ZNF561: variants seen among roughly 807,000 people sequenced by gnomAD.
ZNF561 encodes the protein zinc finger protein 561.
A neutral mutation model predicts 16.7 loss-of-function variants in ZNF561; 16 were observed. The ratio of observed to expected loss-of-function variants is 0.96; its 90% CI spans 0.65 to 1.45. The LOEUF (loss-of-function observed/expected upper bound fraction) is 1.45, where lower values mean the gene tolerates loss of function less well. ZNF561 is among the 40% of genes most tolerant of loss of function. The pLI is 0.00. For missense variants in ZNF561, 580 were observed against 578.0 expected, an observed-to-expected ratio of 1.00 and a Z score of -0.04; for synonymous variants, 190 against 192.1, an observed-to-expected ratio of 0.99 and a Z score of 0.09.
In ZNF561 at chr19:9,608,613, G is replaced by GAA. The variant is rs2074391610; in HGVS notation, c.*1585_*1586dup. The GAA allele has an allele frequency of 6.6e-6, 1 of 152,332 alleles. No homozygotes were observed. Among genetic ancestry groups the GAA allele is most frequent in the East Asian group, 1.9e-4 (1 of 5,182 alleles). The allele number at this position is 152,332 out of a possible 1,614,324, so 9.4% of individuals were successfully genotyped here. On this transcript the variant is annotated 3_prime_UTR_variant, in exon 6 of 6. Transcript: ENST00000302851. ...GATTTGAAACTGACAAATGAGGCTG[G>GAA]AAAAATTCTGATGTGCAAGCTGGAA...
intron 1 of ZNF561, 139 bp from the exon 2 acceptor site, chr19:9,619,721 T>A: frequency 2.8e-6 from 1 of 363,542 alleles, no homozygotes; most frequent in Non-Finnish European, 5.0e-6. Context: ...AACAAAAGTA[T>A]TAATAACAGT....
chr19:9,616,001 T>C (rs1298569940), intron 4 of ZNF561, among the ~76,000 whole-genome samples: 1 of 152,220 alleles, frequency 6.6e-6, no homozygotes, highest in Admixed American at 6.5e-5. Flanking sequence ...TCACCTTCAG[T>C]GATTCTGAAA....
Position 9,610,646 on chromosome 19 carries a change from A to G in ZNF561, c.1015T>C (p.Cys339Arg), listed in dbSNP as rs1266642932. 5 of 1,614,036 alleles carry G rather than the reference A, an allele frequency of 3.1e-6. No individual in the cohort carries two copies. In the Admixed American group the frequency reaches 6.7e-5, roughly 22 times the overall value. ...GCAAAGGCTTGGCCACATTCCTTAC[A>G]TTCATAGGGTTTTATTCCAGTGTGA... ...RTHTGIKPYE[C>R]KECGQAFAQY... Residue 339 changes from cysteine to arginine, a missense_variant, in exon 6 of 6, where the codon TGT (cysteine) becomes CGT (arginine). Coordinates refer to ENST00000302851, the MANE Select transcript of ZNF561 (RefSeq NM_152289.3).
rs2074393853 is a variant in ZNF561 at position 9,608,750 on chromosome 19, A to T, written c.*1450T>A. On this transcript the variant is annotated 3_prime_UTR_variant, in exon 6 of 6. Coordinates refer to ENST00000302851, the MANE Select transcript of ZNF561 (RefSeq NM_152289.3). The stretch of plus-strand genomic sequence containing the variant: ...TACGAAGTAGTGAAGAACTTGGCAG[A>T]ACTGTATTCTAGCACTTTGCGGAAG... The T allele has an allele frequency of 6.6e-6, 1 of 152,220 alleles. No homozygotes were observed. The highest frequency in any genetic ancestry group is 1.5e-5 in the Non-Finnish European group (1 of 68,042). 9.4% of individuals were successfully genotyped at this position (152,220 alleles called of 1,614,324 possible). A position where few individuals can be genotyped will look rare whatever the true frequency, so the allele number is the denominator to read the frequency against.
rs1331487577 is a variant in ZNF561, at chr19:9,614,146, A to G, written c.242-43T>C. On this transcript the variant is annotated intron_variant, in intron 4 of 5. Transcript: ENST00000302851. ...AAGAAACGTAAGGATTTAGAGAAGA[A>G]ATATTCATTTAAAATGAGTCATTTT... The G allele has an allele frequency of 4.4e-6, 7 of 1,600,652 alleles. No individual in the cohort carries two copies. The East Asian group carries it at 1.6e-4, about 36-fold the overall frequency.
At chr19:9,616,849 C>T (rs1029808931) in intron 4 of ZNF561, 196 bp downstream of exon 4, 8 of 577,618 alleles carry the variant, frequency 1.4e-5, no homozygotes, top group Admixed American at 6.7e-5. Flanking sequence ...CCACCTCAGC[C>T]TCCCAAAGTG....
At position 9,610,135 on chromosome 19, in the gene ZNF561, G is replaced by A; in HGVS notation, c.*65C>T. 2 of 1,412,110 alleles carry A rather than the reference G, an allele frequency of 1.4e-6. No homozygotes were observed. Among genetic ancestry groups the A allele is most frequent in the Non-Finnish European group, 1.9e-6 (2 of 1,051,204 alleles). The allele number at this position is 1,412,110 out of a possible 1,614,324, so 87.5% of individuals were successfully genotyped here. A position where few individuals can be genotyped will look rare whatever the true frequency, so the allele number is the denominator to read the frequency against. ...CATGAGTCATTACAACCTCCAAAAG[G>A]CATTTAGGACAAATCTGATAATCTT... On this transcript the variant is annotated 3_prime_UTR_variant, in exon 6 of 6. Transcript: ENST00000302851.
intron 3 of ZNF561, 184 bp from the exon 4 acceptor site, chr19:9,617,355 A>G (rs549522477): frequency 6.3e-6 from 8 of 1,261,962 alleles, no homozygotes; most frequent in Middle Eastern, 2.1e-4. Flanking sequence ...TCCTACAGGC[A>G]TATGCCTTAA....
intron 4 of ZNF561, among the ~76,000 whole-genome samples, chr19:9,615,173 A>G (rs1384425604): frequency 6.6e-6 from 1 of 152,104 alleles, no homozygotes; most frequent in East Asian, 1.9e-4. Flanking sequence ...CAATGTAATT[A>G]TTACAAAAGG....
At chr19:9,616,762 T>G (rs1175781065) in intron 4 of ZNF561, among the ~76,000 whole-genome samples, 1 of 151,762 alleles carries the variant, frequency 6.6e-6, no homozygotes. Context: ...CACCTAATTT[T>G]TTTGAATTTT....
chr19:9,614,682 C>T (rs187144496), intron 4 of ZNF561, among the ~76,000 whole-genome samples: 6 of 152,146 alleles, frequency 3.9e-5, no homozygotes, highest in Admixed American at 3.9e-4. Context: ...TCTAGATAAA[C>T]AGCATGTATC....
At chr19:9,620,398 G>A (rs1176613719) in intron 1 of ZNF561, among the ~76,000 whole-genome samples, 2 of 152,138 alleles carry the variant, frequency 1.3e-5, no homozygotes, top group African/African-American at 4.8e-5. Context: ...CTAATTTTTT[G>A]TAGTTTTAGT....
chr19:9,620,872 C>T (rs2074660975), intron 1 of ZNF561: 1 of 152,336 alleles, frequency 6.6e-6, no homozygotes, highest in South Asian at 2.1e-4. Context: ...GCAAAACCAT[C>T]TCTACTAAAG....
intron 3 of ZNF561, chr19:9,617,775 A>G (rs1263659184): frequency 1.3e-5 from 6 of 467,480 alleles, no homozygotes; most frequent in South Asian, 9.3e-5. Context: ...AATGCTGATA[A>G]GTGAATGATT....
At position 9,611,113 on chromosome 19, in the gene ZNF561, C is replaced by T; in HGVS notation, c.548G>A (p.Gly183Asp). Reference sequence around the variant, plus strand: ...GAGAACTTCAAGATGTACAGCAAGACCTGGAGTTAGAGTAAAGACTTTTCC... The same window carrying T: ...GAGAACTTCAAGATGTACAGCAAGATCTGGAGTTAGAGTAAAGACTTTTCC... Reference protein sequence around the residue: ...PCGKVFTLTPGLAVHLEVLNA... With the variant: ...PCGKVFTLTPDLAVHLEVLNA... The change falls in exon 6 of 6, where the codon GGT becomes GAT. Residue 183 changes from glycine (G) to aspartate (D), a missense_variant. By Grantham distance (94) the Gly-to-Asp change is moderately conservative. Coordinates refer to ENST00000302851, the MANE Select transcript of ZNF561 (RefSeq NM_152289.3). 6.2e-7 allele frequency: 1 copy of T among 1,614,084 alleles called. No homozygotes were observed. Among genetic ancestry groups the T allele is most frequent in the Non-Finnish European group, 8.5e-7 (1 of 1,179,960 alleles).
rs1033140050 is a variant in ZNF561, at chr19:9,607,869, G to C, written c.*2331C>G. 5 of 151,822 alleles carry C rather than the reference G, an allele frequency of 3.3e-5. No homozygotes were observed. Among genetic ancestry groups the C allele is most frequent in the African/African-American group, 1.2e-4 (5 of 41,348 alleles). 9.4% of individuals were successfully genotyped at this position (151,822 alleles called of 1,614,324 possible). A position where few individuals can be genotyped will look rare whatever the true frequency, so the allele number is the denominator to read the frequency against. On this transcript the variant is annotated 3_prime_UTR_variant, in exon 6 of 6. Transcript: ENST00000302851. ...CCAATGTGACTGTATGTGAAAATAGGGTTTTTTAGTTTTGTTTTTGAGACA... is the reference window on the plus strand; with the variant it reads ...CCAATGTGACTGTATGTGAAAATAGCGTTTTTTAGTTTTGTTTTTGAGACA...
At chr19:9,617,910 A>G (rs907388625) in intron 3 of ZNF561, 181 bp downstream of exon 3, 5 of 635,344 alleles carry the variant, frequency 7.9e-6, no homozygotes, top group Admixed American at 4.4e-5. Flanking sequence ...ACTGATTTTC[A>G]AGTTAACATT....
At chr19:9,615,009 T>G (rs560564383) in intron 4 of ZNF561, among the ~76,000 whole-genome samples, 36 of 152,036 alleles carry the variant, frequency 2.4e-4, no homozygotes, top group African/African-American at 8.4e-4. Context: ...TGGCTAATTT[T>G]TTGTATTTTT....
At chr19:9,621,138 G>C (rs1410411320) in intron 1 of ZNF561, 24 bp downstream of exon 1, 1 of 152,814 alleles carries the variant, frequency 6.5e-6, no homozygotes, top group Non-Finnish European at 1.5e-5. Flanking sequence ...CTATCCCCGG[G>C]ACCGCCAAGG....
Sources: allele counts gnomAD v4.1 joint callset (sites outside exome capture counted in the v4.1 genomes callset), GRCh38; gene constraint gnomAD v4.1.1; transcripts MANE v1.5; gene names NCBI Gene and HGNC (gene_info 2026-07-23, HGNC 2026-07-21).